Variants in KIAA0232 observed in about 807,000 individuals in gnomAD.
KIAA0232 encodes the protein uncharacterized protein KIAA0232.
Under a neutral mutation model 122.0 loss-of-function variants are expected in KIAA0232, and 27 were observed. The observed-to-expected ratio is 0.22, with a 90% CI of 0.16 to 0.31. The LOEUF (loss-of-function observed/expected upper bound fraction) is 0.31, where lower values mean the gene tolerates loss of function less well. Among genes scored for constraint, KIAA0232 ranks in the 10% least tolerant of loss-of-function variants. The pLI is 1.00. For synonymous variants in KIAA0232, 613 were observed against 587.6 expected (o/e 1.04, Z -0.63); for missense variants, 1,551 against 1,634.2 (o/e 0.95, Z 0.88).
At position 6,862,093 on chromosome 4, in the gene KIAA0232, A is replaced by C; in HGVS notation, c.1711A>C (p.Thr571Pro). Residue 571 changes from threonine to proline, a missense_variant, in exon 7 of 10, where the codon ACC becomes CCC. By Grantham distance (38) the Thr-to-Pro change is conservative (BLOSUM62 -1). This residue lies in a region of KIAA0232 where 1,108 missense variants were observed against 1,154.8 expected (regional missense o/e 0.96). Coordinates refer to ENST00000307659, the MANE Select transcript of KIAA0232 (RefSeq NM_014743.3). ...GGAACGTGCAATATGGACAGATTCT[A>C]CCAGCTCCGTAGGTGCTGAGGGCTT... ...QGERAIWTDS[T>P]SSVGAEGLFL... is the part of the protein sequence containing the mutation. The C allele has an allele frequency of 6.2e-7, 1 of 1,614,196 alleles. No homozygotes were observed. Among genetic ancestry groups the C allele is most frequent in the Non-Finnish European group, 8.5e-7 (1 of 1,180,018 alleles).
intron 1 of KIAA0232, among the ~76,000 whole-genome samples, chr4:6,802,531 C>G (rs980664367): frequency 2.0e-5 from 3 of 151,716 alleles, no homozygotes; most frequent in Admixed American, 6.6e-5. Context: ...CTCTGTGACT[C>G]TTCTCAACCC....
chr4:6,846,067 G>A (rs1034900384), intron 4 of KIAA0232, among the ~76,000 whole-genome samples: 1 of 149,300 alleles, frequency 6.7e-6, no homozygotes, highest in Admixed American at 6.7e-5. Context: ...AAGCATATTT[G>A]TACTTGTATT....
At chr4:6,783,690 C>T (rs1363552728) in intron 1 of KIAA0232, among the ~76,000 whole-genome samples, 1 of 148,210 alleles carries the variant, frequency 6.7e-6, no homozygotes, top group Admixed American at 6.7e-5. Flanking sequence ...GCGCGGGGCG[C>T]GGCGCGGGGG....
At chr4:6,802,269 T>G (rs956623160) in intron 1 of KIAA0232, among the ~76,000 whole-genome samples, 1 of 152,086 alleles carries the variant, frequency 6.6e-6, no homozygotes, top group African/African-American at 2.4e-5. Context: ...GCTCTCTGAG[T>G]CAGTCAGGAT....
In KIAA0232 at chr4:6,858,337, G is replaced by T. The variant is rs904379928; in HGVS notation, c.437-88G>T. ...TTAAGCACCAAAGTCTCTATTTCTT[G>T]TTAAAATTAGTTGAGAAACTTTGAA... On this transcript the variant is annotated intron_variant, in intron 5 of 9. Coordinates refer to ENST00000307659, the MANE Select transcript of KIAA0232 (RefSeq NM_014743.3). 9.6e-6 allele frequency: 7 copies of T among 732,146 alleles called. No individual in the cohort carries two copies. The Admixed American group carries it at 1.7e-4, about 18-fold the overall frequency. 45.4% of individuals were successfully genotyped at this position (732,146 alleles called of 1,614,324 possible).
chr4:6,790,300 A>C (rs1716833190), intron 1 of KIAA0232, among the ~76,000 whole-genome samples: 1 of 149,658 alleles, frequency 6.7e-6, no homozygotes, highest in African/African-American at 2.5e-5. Flanking sequence ...GAAAACCAGC[A>C]GTAATTATTT....
chr4:6,832,056 T>C (rs761734466), intron 3 of KIAA0232, among the ~76,000 whole-genome samples: 1 of 152,216 alleles, frequency 6.6e-6, no homozygotes, highest in Non-Finnish European at 1.5e-5. Flanking sequence ...TGGTTTGTCT[T>C]TGTGTCGTTA....
chr4:6,860,037 G>A (rs146254941), intron 6 of KIAA0232, among the ~76,000 whole-genome samples: 211 of 152,176 alleles, frequency 1.4e-3, no homozygotes, highest in African/African-American at 4.8e-3. Context: ...CTAAACTTGT[G>A]GAATAAATCT....
chr4:6,844,597 A>G (rs1178931134), intron 4 of KIAA0232, among the ~76,000 whole-genome samples: 1 of 151,768 alleles, frequency 6.6e-6, no homozygotes, highest in Non-Finnish European at 1.5e-5. Context: ...CACCACACCC[A>G]GCTAATTTTT....
chr4:6,789,793 G>C (rs929870307), intron 1 of KIAA0232, among the ~76,000 whole-genome samples: 1 of 152,164 alleles, frequency 6.6e-6, no homozygotes, highest in African/African-American at 2.4e-5. Context: ...TTGGGAAAGC[G>C]AGGTGGGAGG....
intron 3 of KIAA0232, among the ~76,000 whole-genome samples, chr4:6,826,501 GA>G (rs1350374165): frequency 8.8e-5 from 13 of 148,216 alleles, no homozygotes; most frequent in Admixed American, 6.7e-4. Flanking sequence ...CATAGGGAAT[GA>G]TTTTTTTTTT....
At position 6,882,267 on chromosome 4, in the gene KIAA0232, CAAAA is replaced by C. The variant is rs956706044; in HGVS notation, c.*1306_*1309del. On this transcript the variant is annotated 3_prime_UTR_variant, in exon 10 of 10. Coordinates refer to ENST00000307659, the MANE Select transcript of KIAA0232 (RefSeq NM_014743.3). ...CAACTCATTGTTTAAAAAACAAAAA[CAAAA>C]AAAACCTAATCTGTGAAATCAGCGT... 6.6e-6 allele frequency: 1 copy of C among 151,716 alleles called. No homozygotes were observed. Among genetic ancestry groups the C allele is most frequent in the Non-Finnish European group, 1.5e-5 (1 of 67,908 alleles). 9.4% of individuals were successfully genotyped at this position (151,716 alleles called of 1,614,324 possible).
chr4:6,848,192 C>T (rs1720075846), intron 4 of KIAA0232, among the ~76,000 whole-genome samples: 1 of 152,160 alleles, frequency 6.6e-6, no homozygotes, highest in South Asian at 2.1e-4. Context: ...CTAAGTCTAC[C>T]AGTAAAATTC....
At chr4:6,806,917 A>T (rs931109296) in intron 2 of KIAA0232, among the ~76,000 whole-genome samples, 1 of 151,666 alleles carries the variant, frequency 6.6e-6, no homozygotes, top group African/African-American at 2.4e-5. Flanking sequence ...TCTAGCTCTC[A>T]TTTGTTTTGT....
chr4:6,816,425 A>G (rs143576883), intron 2 of KIAA0232, among the ~76,000 whole-genome samples: 2,614 of 151,894 alleles, frequency 0.017, 79 homozygotes, highest in African/African-American at 0.058. Context: ...TGGGACTACA[A>G]GCGCCTGCCA....
chr4:6,858,552 CA>C (rs1410856072), intron 6 of KIAA0232, 46 bp downstream of exon 6: 2 of 1,230,628 alleles, frequency 1.6e-6, no homozygotes, highest in Admixed American at 2.1e-5. Context: ...TTGTTAAAAT[CA>C]GATGAATAAC....
intron 3 of KIAA0232, among the ~76,000 whole-genome samples, chr4:6,824,950 G>T (rs1485094391): frequency 6.6e-6 from 1 of 152,186 alleles, no homozygotes; most frequent in Admixed American, 6.5e-5. Context: ...TCTTGTCATG[G>T]ACTGGTCATA....
intron 3 of KIAA0232, among the ~76,000 whole-genome samples, chr4:6,835,531 A>G (rs146471454): frequency 9.2e-5 from 14 of 152,336 alleles, no homozygotes; most frequent in African/African-American, 2.9e-4. Flanking sequence ...GGTTCGTTAC[A>G]TAGGTATACA....
intron 2 of KIAA0232, among the ~76,000 whole-genome samples, chr4:6,808,089 C>T (rs1717719007): frequency 6.6e-6 from 1 of 152,004 alleles, no homozygotes; most frequent in Admixed American, 6.6e-5. Context: ...AAGAAAATAA[C>T]AGACAAGAAT....
Sources: gnomAD v4.1 joint callset for allele counts (sites outside exome capture counted in the v4.1 genomes callset) on GRCh38, gnomAD v4.1.1 for gene constraint, gnomAD v4.1.1 regional missense constraint, MANE v1.5 for transcripts, NCBI Gene and HGNC (gene_info 2026-07-23, HGNC 2026-07-21) for gene names.